ABCC9: variants seen among roughly 807,000 people sequenced by gnomAD.
ABCC9 encodes the protein ATP binding cassette subfamily C member 9, also known as ATP-binding cassette sub-family C member 9.
A neutral mutation model predicts 188.3 loss-of-function variants in ABCC9; 95 were observed. The observed-to-expected ratio is 0.50, with a 90% CI of 0.43 to 0.60. The LOEUF is 0.60. ABCC9 is among the 20% of genes least tolerant of loss of function. The pLI is 0.00. For missense variants in ABCC9, 1,102 were observed against 1,876.3 expected (o/e 0.59, Z 7.62); for synonymous variants, 659 against 652.7 (o/e 1.01, Z -0.15).
At chr12:21,833,301 A>G (rs184560001) in intron 30 of ABCC9, among the ~76,000 whole-genome samples, 119 of 152,258 alleles carry the variant, frequency 7.8e-4, no homozygotes, top group African/African-American at 2.7e-3. Flanking sequence ...AACATTAAAA[A>G]ATGAACTCTG....
intron 22 of ABCC9, among the ~76,000 whole-genome samples, chr12:21,856,825 A>G (rs1945250401): frequency 6.6e-6 from 1 of 152,188 alleles, no homozygotes; most frequent in Admixed American, 6.6e-5. Context: ...GAAAAGGAAA[A>G]TACAGCAATA....
Position 21,864,482 on chromosome 12 carries a change from A to T in ABCC9, c.2199-5T>A. 1.3e-6 allele frequency: 2 copies of T among 1,580,436 alleles called. No individual in the cohort carries two copies. Among genetic ancestry groups the T allele is most frequent in the Non-Finnish European group, 1.7e-6 (2 of 1,149,550 alleles). ...GAAGGCTCAGATTCATTTACACTGC[A>T]AGTATGGCAAACAATGTTCATTAAT... is the stretch of plus-strand genomic sequence containing the variant. On this transcript the variant is annotated splice_region_variant and splice_polypyrimidine_tract_variant and intron_variant, in intron 18 of 39. Coordinates refer to ENST00000261200, the MANE Select transcript of ABCC9 (RefSeq NM_020297.4).
At chr12:21,834,786 T>TATACACAC (rs113973392) in intron 30 of ABCC9, among the ~76,000 whole-genome samples, 4,361 of 141,546 alleles carry the variant, frequency 0.031, 97 homozygotes, top group Middle Eastern at 0.064. Flanking sequence ...TATAACATTA[T>TATACACAC]ACACACACAC....
chr12:21,887,098 C>T (rs1383864378), intron 15 of ABCC9, among the ~76,000 whole-genome samples: 2 of 149,832 alleles, frequency 1.3e-5, no homozygotes, highest in African/African-American at 4.8e-5. Context: ...TTCATTGCTA[C>T]AACCCTAAGT....
chr12:21,906,607 T>TA (rs1948061843), intron 11 of ABCC9, among the ~76,000 whole-genome samples: 2 of 152,104 alleles, frequency 1.3e-5, no homozygotes, highest in Admixed American at 1.3e-4. Context: ...AATATAGACA[T>TA]AAATTTACAT....
intron 25 of ABCC9, among the ~76,000 whole-genome samples, chr12:21,846,720 GAGA>G (rs1181569669): frequency 6.6e-6 from 1 of 152,140 alleles, no homozygotes; most frequent in Non-Finnish European, 1.5e-5. Flanking sequence ...TCCTTTGTGT[GAGA>G]AGAACAGACT....
At chr12:21,833,739 A>C (rs1379672878) in intron 30 of ABCC9, among the ~76,000 whole-genome samples, 1 of 152,114 alleles carries the variant, frequency 6.6e-6, no homozygotes, top group Non-Finnish European at 1.5e-5. Flanking sequence ...ACCTTCATAG[A>C]GGAGCTATGT....
In ABCC9 at chr12:21,799,207, C is replaced by T. The variant is rs1941315282; in HGVS notation, c.*1837G>A. ...GCACATGTATATATATGTAACTAAC[C>T]TGCACAATGTGCACATGTACCCTAA... On this transcript the variant is annotated 3_prime_UTR_variant, in exon 40 of 40. Transcript: ENST00000261200. 1 of 147,834 alleles carries T rather than the reference C, an allele frequency of 6.8e-6. No individual in the cohort carries two copies. Among genetic ancestry groups the T allele is most frequent in the African/African-American group, 2.5e-5 (1 of 39,754 alleles). 9.2% of individuals were successfully genotyped at this position (147,834 alleles called of 1,614,324 possible).
At position 21,809,963 on chromosome 12, in the gene ABCC9, G is replaced by A. The variant is rs760679361; in HGVS notation, c.4212-8C>T. On this transcript the variant is annotated splice_region_variant and splice_polypyrimidine_tract_variant and intron_variant, in intron 36 of 39. Transcript: ENST00000261200. ...TCTGGATCTAAATTAAATCTGTAGG[G>A]AAAAATTAGTTAATTAGTCAATAAG... 1 of 1,543,276 alleles carries A rather than the reference G, an allele frequency of 6.5e-7. No individual in the cohort carries two copies. Among genetic ancestry groups the A allele is most frequent in the South Asian group, 1.1e-5 (1 of 89,658 alleles).
intron 31 of ABCC9, among the ~76,000 whole-genome samples, chr12:21,820,866 C>G (rs901042151): frequency 6.6e-6 from 1 of 152,036 alleles, no homozygotes; most frequent in African/African-American, 2.4e-5. Context: ...CAAAGCACTC[C>G]GAAGTGTATG....
chr12:21,819,839 CAT>C (rs1371906519), intron 31 of ABCC9, among the ~76,000 whole-genome samples: 4 of 152,148 alleles, frequency 2.6e-5, no homozygotes, highest in Admixed American at 1.3e-4. Flanking sequence ...AAAAAAATCA[CAT>C]AGAGTTAATC....
chr12:21,801,195 GA>G lies in ABCC9; in HGVS notation c.4513-15del. On this transcript the variant is annotated splice_polypyrimidine_tract_variant and intron_variant, in intron 39 of 39. Coordinates refer to ENST00000261200, the MANE Select transcript of ABCC9 (RefSeq NM_020297.4). ...GTGTACTCGATGCTGTGAGTGAAAA[GA>G]AAACATGTATTTGTTACACATTTCA... 1 of 1,613,552 alleles carries G rather than the reference GA, an allele frequency of 6.2e-7. No individual in the cohort carries two copies. Among genetic ancestry groups the G allele is most frequent in the Non-Finnish European group, 8.5e-7 (1 of 1,179,822 alleles).
chr12:21,833,604 A>G (rs1308065841), intron 30 of ABCC9, among the ~76,000 whole-genome samples: 1 of 152,036 alleles, frequency 6.6e-6, no homozygotes, highest in Non-Finnish European at 1.5e-5. Context: ...TCTTGTCCCC[A>G]TCCCTCTCAG....
intron 12 of ABCC9, among the ~76,000 whole-genome samples, chr12:21,902,764 G>C (rs1949586952): frequency 6.6e-6 from 1 of 152,118 alleles, no homozygotes; most frequent in African/African-American, 2.4e-5. Context: ...TCCCTGAATA[G>C]ACCAATAACA....
In ABCC9 at chr12:21,807,208, T is replaced by G. The variant is rs1941917857; in HGVS notation, c.4449+138A>C. On this transcript the variant is annotated intron_variant, in intron 38 of 39. Coordinates refer to ENST00000261200, the MANE Select transcript of ABCC9 (RefSeq NM_020297.4). ...GTAATTCTCAATGTGCTATCATCAG[T>G]TCATCCAGTAGATGATTGAGCAGAT... 5 of 1,143,890 alleles carry G rather than the reference T, an allele frequency of 4.4e-6. No individual in the cohort carries two copies. The Admixed American group carries it at 7.1e-5, about 16-fold the overall frequency. The allele number at this position is 1,143,890 out of a possible 1,614,324, so 70.9% of individuals were successfully genotyped here.
Position 21,880,214 on chromosome 12 carries a change from C to T in ABCC9, c.2019+2552G>A, listed in dbSNP as rs1368846069. Among the ~76,000 whole-genome samples, 6 of 151,990 alleles carry T rather than the reference C, an allele frequency of 3.9e-5. No homozygotes were observed. The South Asian group carries it at 8.3e-4, about 21-fold the overall frequency. ...CCCTGATTTACCTACTAAATCACAT[C>T]CCTACTTCATACTAAACACAAAAAT... On this transcript the variant is annotated intron_variant, in intron 16 of 39. Transcript: ENST00000261200.
At chr12:21,830,795 T>C (rs1943709092) in intron 30 of ABCC9, among the ~76,000 whole-genome samples, 1 of 152,166 alleles carries the variant, frequency 6.6e-6, no homozygotes, top group Admixed American at 6.5e-5. Flanking sequence ...CCAAATGCCA[T>C]GCTGCCATGC....
chr12:21,911,018 C>CT lies in ABCC9; in HGVS notation c.1012-41dup, dbSNP rs1948300363. The CT allele has an allele frequency of 1.9e-6, 3 of 1,598,844 alleles. No individual in the cohort carries two copies. In the African/African-American group the frequency reaches 4.0e-5, roughly 21 times the overall value. ...AAAAAAGTGTCATATTAAAACTCGT[C>CT]TTTTTATAGACCAGGTGTACAGTTT... On this transcript the variant is annotated intron_variant, in intron 8 of 39. Coordinates refer to ENST00000261200, the MANE Select transcript of ABCC9 (RefSeq NM_020297.4).
chr12:21,836,009 A>G (rs1398145080), intron 30 of ABCC9, among the ~76,000 whole-genome samples: 7 of 152,078 alleles, frequency 4.6e-5, no homozygotes, highest in East Asian at 3.8e-4. Flanking sequence ...TTCTCCCTCA[A>G]CCTTACTCTT....
Sources: gnomAD v4.1 joint callset for allele counts (sites outside exome capture counted in the v4.1 genomes callset) on GRCh38, gnomAD v4.1.1 for gene constraint, MANE v1.5 for transcripts, NCBI Gene and HGNC (gene_info 2026-07-23, HGNC 2026-07-21) for gene names.